Variants in CEP128 observed in about 807,000 individuals in gnomAD.
CEP128 encodes centrosomal protein 128, also known as centrosomal protein 128kDa.
In CEP128, 132 loss-of-function variants were observed where a neutral mutation model predicts 156.7. That is an observed-to-expected ratio of 0.84 (90% confidence interval 0.73 to 0.97). The LOEUF (loss-of-function observed/expected upper bound fraction) is 0.97, where lower values mean the gene tolerates loss of function less well. Among genes scored for constraint, CEP128 ranks in the 50% least tolerant of loss-of-function variants. The pLI is 0.00. For missense variants in CEP128, 1,252 were observed against 1,281.9 expected (o/e 0.98, Z 0.36); for synonymous variants, 469 against 448.9 (o/e 1.04, Z -0.57).
intron 19 of CEP128, among the ~76,000 whole-genome samples, chr14:80,736,926 T>C (rs184328298): frequency 1.2e-4 from 18 of 152,334 alleles, no homozygotes; most frequent in Admixed American, 8.5e-4. Flanking sequence ...TAGTTTAACT[T>C]CAATCCCTGT....
intron 21 of CEP128, among the ~76,000 whole-genome samples, chr14:80,541,460 A>AC (rs1889757751): frequency 6.6e-6 from 1 of 150,462 alleles, no homozygotes; most frequent in Admixed American, 6.6e-5. Context: ...AAAAAAAAAA[A>AC]AAAAACCAGG....
intron 19 of CEP128, among the ~76,000 whole-genome samples, chr14:80,593,316 T>C (rs1595059517): frequency 6.6e-6 from 1 of 151,926 alleles, no homozygotes; most frequent in South Asian, 2.1e-4. Flanking sequence ...GGAGGGCAGA[T>C]CACAAGGTCA....
chr14:80,503,624 T>A (rs969400186), intron 24 of CEP128, among the ~76,000 whole-genome samples: 10 of 152,176 alleles, frequency 6.6e-5, no homozygotes. Context: ...TTTCATGGTG[T>A]GAAGTCCCTA....
At chr14:80,580,482 T>C in intron 19 of CEP128, 59 bp from the exon 20 acceptor site, 4 of 849,954 alleles carry the variant, frequency 4.7e-6, no homozygotes, top group Non-Finnish European at 7.5e-6. Context: ...TTGCCTCTTA[T>C]CATCAAATGC....
intron 13 of CEP128, among the ~76,000 whole-genome samples, chr14:80,795,496 T>C (rs1052187151): frequency 1.3e-5 from 2 of 152,160 alleles, no homozygotes; most frequent in African/African-American, 4.8e-5. Flanking sequence ...TCACTGAACA[T>C]AAACAACAAA....
intron 21 of CEP128, among the ~76,000 whole-genome samples, chr14:80,552,444 T>C (rs1036151043): frequency 5.9e-5 from 9 of 152,218 alleles, no homozygotes; most frequent in African/African-American, 1.9e-4. Flanking sequence ...TAGAACATGC[T>C]GTAATTTACC....
chr14:80,824,738 A>G (rs1309812048), intron 13 of CEP128, among the ~76,000 whole-genome samples: 1 of 152,206 alleles, frequency 6.6e-6, no homozygotes. Context: ...CAACAAGTCT[A>G]TAGAAAGTTC....
At chr14:80,729,061 GT>G (rs1566881005) in intron 19 of CEP128, among the ~76,000 whole-genome samples, 28 of 26,260 alleles carry the variant, frequency 1.1e-3, no homozygotes, top group South Asian at 4.6e-3. Context: ...TGGTGGGGGT[GT>G]GTGTGTGTGT....
chr14:80,516,276 G>T (rs1015142372), intron 23 of CEP128, among the ~76,000 whole-genome samples: 1 of 152,126 alleles, frequency 6.6e-6, no homozygotes, highest in Non-Finnish European at 1.5e-5. Context: ...GCTATGTCAT[G>T]GAATGAGGGC....
intron 23 of CEP128, among the ~76,000 whole-genome samples, chr14:80,510,986 ATTTGG>A (rs1473525247): frequency 6.0e-5 from 9 of 150,578 alleles, no homozygotes; most frequent in African/African-American, 2.2e-4. Context: ...AGATTATTGA[ATTTGG>A]TTTGCTGGTA....
intron 20 of CEP128, among the ~76,000 whole-genome samples, chr14:80,559,549 A>G (rs897994181): frequency 5.9e-5 from 9 of 152,208 alleles, no homozygotes; most frequent in Admixed American, 2.6e-4. Context: ...CAATTCTAGT[A>G]CAGTTAATGA....
At chr14:80,749,799 G>A (rs991885421) in intron 18 of CEP128, among the ~76,000 whole-genome samples, 2 of 152,106 alleles carry the variant, frequency 1.3e-5, no homozygotes, top group African/African-American at 4.8e-5. Flanking sequence ...TAAGAAACAA[G>A]TGCTTAAGGT....
intron 19 of CEP128, among the ~76,000 whole-genome samples, chr14:80,666,822 G>A (rs1280909440): frequency 6.6e-6 from 1 of 150,918 alleles, no homozygotes; most frequent in Non-Finnish European, 1.5e-5. Context: ...AACAAATGAC[G>A]AAGAACAAAA....
At chr14:80,648,077 T>C (rs1366174845) in intron 19 of CEP128, among the ~76,000 whole-genome samples, 2 of 152,144 alleles carry the variant, frequency 1.3e-5, no homozygotes, top group African/African-American at 2.4e-5. Flanking sequence ...AATTATTTTC[T>C]AGAAATTATT....
intron 21 of CEP128, among the ~76,000 whole-genome samples, chr14:80,537,972 T>C (rs1436483720): frequency 6.6e-6 from 1 of 152,186 alleles, no homozygotes; most frequent in Non-Finnish European, 1.5e-5. Flanking sequence ...AGCTTCCGTA[T>C]CTTATTTGCA....
chr14:80,951,004 A>G (rs976647114), intron 2 of CEP128, among the ~76,000 whole-genome samples: 1 of 152,118 alleles, frequency 6.6e-6, no homozygotes, highest in Non-Finnish European at 1.5e-5. Flanking sequence ...AAATGAAGCA[A>G]TGTTTTTAAA....
At chr14:80,746,815 G>A (rs1899126134) in intron 18 of CEP128, among the ~76,000 whole-genome samples, 1 of 152,164 alleles carries the variant, frequency 6.6e-6, no homozygotes, top group Admixed American at 6.6e-5. Context: ...CTGCTAAGTG[G>A]CAGAAAATAT....
downstream of CEP128, among the ~76,000 whole-genome samples, chr14:80,496,264 T>C (rs1887491374): frequency 6.6e-6 from 1 of 152,190 alleles, no homozygotes; most frequent in African/African-American, 2.4e-5. Flanking sequence ...TGCATAGCTA[T>C]ACTCTCAGGT....
At chr14:80,901,577 A>T (rs1019403266) in intron 6 of CEP128, among the ~76,000 whole-genome samples, 16 of 152,242 alleles carry the variant, frequency 1.1e-4, no homozygotes, top group African/African-American at 3.9e-4. Context: ...AACCATAAAA[A>T]GAAAGGAGTG....
Sources: allele counts gnomAD v4.1 joint callset (sites outside exome capture counted in the v4.1 genomes callset), GRCh38; gene constraint gnomAD v4.1.1; transcripts MANE v1.5; gene names NCBI Gene and HGNC (gene_info 2026-07-23, HGNC 2026-07-21).